ECHDC1: variants seen among roughly 807,000 people sequenced by gnomAD.
The protein encoded by ECHDC1 is ethylmalonyl-CoA decarboxylase.
In ECHDC1, 29 loss-of-function variants were observed where a neutral mutation model predicts 29.7. That is an observed-to-expected ratio of 0.98 (90% CI 0.73 to 1.33). The LOEUF is 1.33. Among genes scored for constraint, ECHDC1 ranks in the 40% most tolerant of loss-of-function variants. The pLI is 0.00. For missense variants in ECHDC1, 328 were observed against 350.0 expected (o/e 0.94, Z 0.50); for synonymous variants, 126 against 123.1 (o/e 1.02, Z -0.15).
chr6:127,331,142 TC>T, intron 1 of ECHDC1, 112 bp from the exon 2 acceptor site: 2 of 731,670 alleles, frequency 2.7e-6, no homozygotes, highest in Non-Finnish European at 4.2e-6. Flanking sequence ...TGGGAATACT[TC>T]CCCATTTCTT....
chr6:127,314,206 A>G (rs1220929682), intron 5 of ECHDC1, among the ~76,000 whole-genome samples: 1 of 152,216 alleles, frequency 6.6e-6, no homozygotes, highest in Non-Finnish European at 1.5e-5. Flanking sequence ...GGTACTGAGA[A>G]AGCAGTTTAA....
chr6:127,329,767 T>A (rs930861629), intron 2 of ECHDC1: 27 of 325,950 alleles, frequency 8.3e-5, no homozygotes, highest in African/African-American at 3.7e-4. Flanking sequence ...TTACCTTTTT[T>A]AAATTTTTTT....
At chr6:127,330,625 C>T (rs556088123) in intron 2 of ECHDC1, among the ~76,000 whole-genome samples, 184 bp downstream of exon 2, 2 of 152,240 alleles carry the variant, frequency 1.3e-5, no homozygotes, top group African/African-American at 4.8e-5. Flanking sequence ...TATCCATAAT[C>T]ATTAAAAGTT....
chr6:127,301,109 C>G (rs1274954512), intron 5 of ECHDC1, among the ~76,000 whole-genome samples: 1 of 152,068 alleles, frequency 6.6e-6, no homozygotes, highest in Non-Finnish European at 1.5e-5. Context: ...TCATGTTAGT[C>G]TTTTACTTTT....
At chr6:127,339,401 T>TGAC (rs1784718953) in intron 1 of ECHDC1, among the ~76,000 whole-genome samples, 2 of 151,714 alleles carry the variant, frequency 1.3e-5, no homozygotes, top group South Asian at 4.2e-4. Flanking sequence ...ATGTGGTTAT[T>TGAC]ACTATATAGG....
At chr6:127,339,063 T>TG (rs1475024409) in intron 1 of ECHDC1, among the ~76,000 whole-genome samples, 9 of 152,084 alleles carry the variant, frequency 5.9e-5, no homozygotes, top group African/African-American at 2.2e-4. Flanking sequence ...GATGTCCTGT[T>TG]CAGGAATTCC....
chr6:127,326,422 T>C, intron 3 of ECHDC1: 1 of 377,794 alleles, frequency 2.6e-6, no homozygotes, highest in Admixed American at 3.1e-5. Context: ...AACTACCCAG[T>C]CTCAGGTAGA....
chr6:127,296,673 T>A (rs946459015), intron 5 of ECHDC1, among the ~76,000 whole-genome samples: 2 of 152,148 alleles, frequency 1.3e-5, no homozygotes, highest in African/African-American at 4.8e-5. Context: ...CAAAAAAAAT[T>A]TTTTAATGGT....
chr6:127,308,816 G>A (rs1781651267), intron 5 of ECHDC1, among the ~76,000 whole-genome samples: 1 of 152,064 alleles, frequency 6.6e-6, no homozygotes, highest in African/African-American at 2.4e-5. Flanking sequence ...TATGTAAACA[G>A]TGAACAATTT....
rs1260004680 is a variant in ECHDC1 at position 127,343,367 on chromosome 6, C to CAAA, written c.-35_-34insTTT. The CAAA allele has an allele frequency of 6.6e-6, 1 of 152,500 alleles. No homozygotes were observed. Among genetic ancestry groups the CAAA allele is most frequent in the Non-Finnish European group, 1.5e-5 (1 of 68,288 alleles). 9.4% of individuals were successfully genotyped at this position (152,500 alleles called of 1,614,324 possible). A position where few individuals can be genotyped will look rare whatever the true frequency, so the allele number is the denominator to read the frequency against. ...AGGCCACGGTGGTGACTTCCTTTTC[C>CAAA]GCTCCCCTACACACGCTTTTCCGTT... is the stretch of plus-strand genomic sequence containing the variant. On this transcript the variant is annotated 5_prime_UTR_variant, in exon 1 of 6. Coordinates refer to ENST00000454859, the MANE Select transcript of ECHDC1 (RefSeq NM_001002030.2).
intron 5 of ECHDC1, among the ~76,000 whole-genome samples, chr6:127,307,719 AGTT>A (rs1562313260): frequency 6.8e-6 from 1 of 147,742 alleles, no homozygotes. Context: ...TTTTTTGAAA[AGTT>A]AAACAAAATT....
intron 5 of ECHDC1, among the ~76,000 whole-genome samples, chr6:127,296,341 G>T (rs914899629): frequency 6.6e-6 from 1 of 151,936 alleles, no homozygotes; most frequent in African/African-American, 2.4e-5. Context: ...CTACACGTGC[G>T]CCATCACACC....
intron 5 of ECHDC1, among the ~76,000 whole-genome samples, chr6:127,294,309 A>G (rs1780420860): frequency 6.6e-6 from 1 of 152,234 alleles, no homozygotes; most frequent in African/African-American, 2.4e-5. Flanking sequence ...ATGGGGAAAT[A>G]TAGCATAGAA....
intron 5 of ECHDC1, among the ~76,000 whole-genome samples, chr6:127,303,536 TGA>T (rs1443046774): frequency 6.6e-6 from 1 of 152,126 alleles, no homozygotes; most frequent in African/African-American, 2.4e-5. Flanking sequence ...CTACAAAGGC[TGA>T]GAGTGGTAAG....
chr6:127,312,797 A>C (rs1474258376), intron 5 of ECHDC1, among the ~76,000 whole-genome samples: 1 of 152,210 alleles, frequency 6.6e-6, no homozygotes, highest in African/African-American at 2.4e-5. Flanking sequence ...AATCTCAGAA[A>C]CAAACTTGAA....
At chr6:127,322,659 T>TAC (rs1048929476) in intron 3 of ECHDC1, among the ~76,000 whole-genome samples, 10 of 151,402 alleles carry the variant, frequency 6.6e-5, no homozygotes, top group South Asian at 2.1e-4. Flanking sequence ...TATATATATA[T>TAC]ACAATGATGT....
At chr6:127,315,752 T>G in intron 4 of ECHDC1, 1 of 358,278 alleles carries the variant, frequency 2.8e-6, no homozygotes, top group Non-Finnish European at 5.7e-6. Context: ...AATGTTATGA[T>G]TCTATTACTC....
intron 5 of ECHDC1, among the ~76,000 whole-genome samples, chr6:127,293,683 C>G (rs1332176052): frequency 6.6e-6 from 1 of 152,080 alleles, no homozygotes; most frequent in African/African-American, 2.4e-5. Context: ...TACAGTATTA[C>G]CTACTTTTAT....
At chr6:127,337,490 C>T (rs776241829) in intron 1 of ECHDC1, among the ~76,000 whole-genome samples, 1 of 152,166 alleles carries the variant, frequency 6.6e-6, no homozygotes, top group East Asian at 1.9e-4. Context: ...CCTGGAAGCA[C>T]CCCCGCTTTA....
Sources: gnomAD v4.1 joint callset for allele counts (sites outside exome capture counted in the v4.1 genomes callset) on GRCh38, gnomAD v4.1.1 for gene constraint, MANE v1.5 for transcripts, NCBI Gene and HGNC (gene_info 2026-07-23, HGNC 2026-07-21) for gene names.